The following GABRG3 variants were observed in gnomAD, a reference collection of about 807,000 sequenced individuals.
The protein encoded by GABRG3 is gamma-aminobutyric acid type A receptor subunit gamma3.
A neutral mutation model predicts 48.8 loss-of-function variants in GABRG3; 25 were observed. The observed-to-expected ratio is 0.51, with a 90% CI of 0.37 to 0.72. GABRG3 has a LOEUF of 0.72. Ranked by LOEUF, GABRG3 falls within the 30% of genes least tolerant of loss-of-function variation. GABRG3 has a pLI of 0.00. For missense variants in GABRG3, 394 were observed against 577.9 expected (o/e 0.68, Z 3.26); for synonymous variants, 227 against 217.6 (o/e 1.04, Z -0.38).
intron 7 of GABRG3, among the ~76,000 whole-genome samples, chr15:27,522,402 A>G (rs962012875): frequency 5.3e-5 from 8 of 152,018 alleles, no homozygotes; most frequent in African/African-American, 1.9e-4. Context: ...AGAAGTAATG[A>G]AAAACATCAG....
chr15:27,476,789 T>C (rs1396804714), intron 5 of GABRG3, among the ~76,000 whole-genome samples: 2 of 152,100 alleles, frequency 1.3e-5, no homozygotes, highest in Non-Finnish European at 2.9e-5. Flanking sequence ...GGCCAAAAAT[T>C]TGACAAAACA....
chr15:27,514,289 T>G (rs1566874849), intron 6 of GABRG3, among the ~76,000 whole-genome samples: 1 of 152,228 alleles, frequency 6.6e-6, no homozygotes, highest in Non-Finnish European at 1.5e-5. Flanking sequence ...TTATAATTTC[T>G]GTGAATTAGG....
chr15:26,983,362 C>T (rs1052562543), intron 2 of GABRG3, among the ~76,000 whole-genome samples: 12 of 152,094 alleles, frequency 7.9e-5, no homozygotes, highest in South Asian at 6.2e-4. Context: ...TCCACACTTG[C>T]GATCTTCTGA....
intron 3 of GABRG3, among the ~76,000 whole-genome samples, chr15:27,081,691 C>T (rs1896995056): frequency 6.6e-6 from 1 of 152,130 alleles, no homozygotes; most frequent in Non-Finnish European, 1.5e-5. Context: ...AGGACCGAGT[C>T]CCCTCCCATG....
At chr15:27,117,638 G>A (rs1026788003) in intron 3 of GABRG3, among the ~76,000 whole-genome samples, 2 of 152,134 alleles carry the variant, frequency 1.3e-5, no homozygotes, top group Non-Finnish European at 2.9e-5. Context: ...CCATTTCAGG[G>A]CTGCTCAGAT....
chr15:27,311,679 A>C (rs116934226), intron 3 of GABRG3, among the ~76,000 whole-genome samples: 3 of 152,144 alleles, frequency 2.0e-5, no homozygotes, highest in Non-Finnish European at 4.4e-5. Flanking sequence ...CAATGATTCA[A>C]CTTTTCTGGA....
chr15:27,436,696 G>A (rs1214257510), intron 5 of GABRG3, among the ~76,000 whole-genome samples: 1 of 152,170 alleles, frequency 6.6e-6, no homozygotes, highest in African/African-American at 2.4e-5. Flanking sequence ...AGGAATTAAA[G>A]CCATGGGACT....
intron 3 of GABRG3, among the ~76,000 whole-genome samples, chr15:27,087,450 CTG>C (rs1224096631): frequency 2.6e-5 from 4 of 152,214 alleles, no homozygotes; most frequent in African/African-American, 9.7e-5. Context: ...AGAACAGTAT[CTG>C]TGCACTCACA....
intron 3 of GABRG3, among the ~76,000 whole-genome samples, chr15:27,125,125 G>A (rs941029768): frequency 1.8e-4 from 28 of 152,078 alleles, no homozygotes; most frequent in African/African-American, 4.3e-4. Flanking sequence ...ATGATATGCC[G>A]AAAGACTTTT....
chr15:27,456,645 C>T (rs1392385192), intron 5 of GABRG3, among the ~76,000 whole-genome samples: 2 of 152,198 alleles, frequency 1.3e-5, no homozygotes, highest in Non-Finnish European at 2.9e-5. Context: ...AACGGCCAAT[C>T]TGGAAAGAGT....
At chr15:27,313,706 A>G (rs1436258989) in intron 3 of GABRG3, among the ~76,000 whole-genome samples, 1 of 152,144 alleles carries the variant, frequency 6.6e-6, no homozygotes, top group African/African-American at 2.4e-5. Flanking sequence ...ATATATTAAA[A>G]TGAATAATTT....
rs1216992127 is a variant in GABRG3, at chr15:27,306,260, A to G, written c.271-20549A>G. 2.9e-5 allele frequency among the ~76,000 whole-genome samples: 4 copies of G among 139,620 alleles called. 1 individual carries two copies. The highest frequency in any genetic ancestry group is 2.3e-4 in the Admixed American group (3 of 13,310). 91.6% of individuals were successfully genotyped at this position (139,620 alleles called of 152,430 possible). ...ATATAAACATAATATAAACATGTCTATATGTAAACATATATAACATAAACA... is the reference window on the plus strand; with the variant it reads ...ATATAAACATAATATAAACATGTCTGTATGTAAACATATATAACATAAACA... On this transcript the variant is annotated intron_variant, in intron 3 of 9. Coordinates refer to ENST00000615808, the MANE Select transcript of GABRG3 (RefSeq NM_033223.5).
intron 3 of GABRG3, among the ~76,000 whole-genome samples, chr15:27,167,751 C>A (rs561133843): frequency 1.3e-5 from 2 of 152,172 alleles, no homozygotes; most frequent in Non-Finnish European, 2.9e-5. Flanking sequence ...AGGTGCACAC[C>A]GGGAGAAAAG....
chr15:27,351,180 GTGTA>G (rs935868757), intron 5 of GABRG3, among the ~76,000 whole-genome samples: 22 of 148,964 alleles, frequency 1.5e-4, no homozygotes, highest in African/African-American at 5.5e-4. Flanking sequence ...GTGTATTTGT[GTGTA>G]TGTATGGTAT....
At chr15:27,166,561 G>T (rs541081644) in intron 3 of GABRG3, among the ~76,000 whole-genome samples, 1 of 152,098 alleles carries the variant, frequency 6.6e-6, no homozygotes, top group Non-Finnish European at 1.5e-5. Context: ...ATGCATGAAG[G>T]CCGTGTGTGG....
chr15:27,368,193 G>A (rs1324639756), intron 5 of GABRG3, among the ~76,000 whole-genome samples: 1 of 152,172 alleles, frequency 6.6e-6, no homozygotes, highest in Admixed American at 6.5e-5. Flanking sequence ...TCAAGATCAA[G>A]GTGTGAGTTT....
chr15:27,074,097 A>C (rs1471029709), intron 3 of GABRG3, among the ~76,000 whole-genome samples: 3 of 152,188 alleles, frequency 2.0e-5, no homozygotes, highest in Admixed American at 2.0e-4. Flanking sequence ...GGAGAACCCT[A>C]ATAAGACCAT....
At chr15:27,122,609 A>G (rs1897750691) in intron 3 of GABRG3, among the ~76,000 whole-genome samples, 1 of 152,220 alleles carries the variant, frequency 6.6e-6, no homozygotes, top group South Asian at 2.1e-4. Flanking sequence ...GATTTCAGGG[A>G]AACTCCTCTC....
intron 5 of GABRG3, among the ~76,000 whole-genome samples, chr15:27,451,669 A>C (rs1889116368): frequency 6.6e-6 from 1 of 152,236 alleles, no homozygotes; most frequent in Non-Finnish European, 1.5e-5. Flanking sequence ...ACAGGCAACA[A>C]AAGCAACTAT....
Sources: allele counts gnomAD v4.1 joint callset (sites outside exome capture counted in the v4.1 genomes callset), GRCh38; gene constraint gnomAD v4.1.1; transcripts MANE v1.5; gene names NCBI Gene and HGNC (gene_info 2026-07-23, HGNC 2026-07-21).